The following TNKS variants were observed in gnomAD, a reference collection of about 807,000 sequenced individuals.
TNKS encodes the protein tankyrase.
In TNKS, 72 loss-of-function variants were observed where a neutral mutation model predicts 135.8. That is an observed-to-expected ratio of 0.53 (90% CI 0.44 to 0.64). The LOEUF (loss-of-function observed/expected upper bound fraction) is 0.64. Ranked by LOEUF, TNKS falls within the 30% of genes least tolerant of loss-of-function variation. TNKS has a pLI of 0.00. For synonymous variants in TNKS, 849 were observed against 649.3 expected (o/e 1.31, Z -4.68); for missense variants, 1,769 against 1,674.0 (o/e 1.06, Z -0.99).
At chr8:9,618,938 A>G (rs78733221) in intron 3 of TNKS, among the ~76,000 whole-genome samples, 13,084 of 152,262 alleles carry the variant, frequency 0.086, 590 homozygotes, top group South Asian at 0.17. Flanking sequence ...GTTCCCAAAG[A>G]CATTAAGTAC....
intron 4 of TNKS, 49 bp downstream of exon 4, chr8:9,680,036 A>T: frequency 7.1e-7 from 1 of 1,406,144 alleles, no homozygotes; most frequent in South Asian, 1.2e-5. Context: ...TAAGGAAGAG[A>T]AGGAGGAGGG....
At chr8:9,742,131 C>T (rs1035595819) in intron 17 of TNKS, among the ~76,000 whole-genome samples, 1 of 152,094 alleles carries the variant, frequency 6.6e-6, no homozygotes, top group South Asian at 2.1e-4. Context: ...TGGAAGAATG[C>T]AAATGGGCTA....
intron 2 of TNKS, among the ~76,000 whole-genome samples, chr8:9,610,961 T>G (rs1312150966): frequency 6.6e-6 from 1 of 152,200 alleles, no homozygotes; most frequent in African/African-American, 2.4e-5. Flanking sequence ...CTTGAATAGT[T>G]TTAAAGGATG....
At chr8:9,620,285 A>G (rs1324011599) in intron 3 of TNKS, among the ~76,000 whole-genome samples, 3 of 151,966 alleles carry the variant, frequency 2.0e-5, no homozygotes, top group African/African-American at 2.4e-5. Flanking sequence ...TATCCAACCT[A>G]TCAGTAATTC....
chr8:9,633,177 T>G (rs995443840), intron 3 of TNKS, among the ~76,000 whole-genome samples: 2 of 152,232 alleles, frequency 1.3e-5, no homozygotes, highest in African/African-American at 4.8e-5. Flanking sequence ...CTTCCAAAAA[T>G]GTACTACTAA....
intron 3 of TNKS, among the ~76,000 whole-genome samples, chr8:9,646,585 A>C (rs1232297073): frequency 6.6e-6 from 1 of 152,202 alleles, no homozygotes. Flanking sequence ...AGTGGAATCA[A>C]TATTAAATGA....
intron 12 of TNKS, among the ~76,000 whole-genome samples, chr8:9,724,307 G>T (rs1195712084): frequency 6.6e-6 from 1 of 152,078 alleles, no homozygotes; most frequent in African/African-American, 2.4e-5. Context: ...TTAAAAATTA[G>T]CCGGGTATGG....
chr8:9,719,151 A>C (rs1241307137), intron 11 of TNKS, among the ~76,000 whole-genome samples: 1 of 152,188 alleles, frequency 6.6e-6, no homozygotes, highest in Non-Finnish European at 1.5e-5. Context: ...AATGTGATAG[A>C]GTTAAATATG....
Position 9,731,001 on chromosome 8 carries a change from C to T in TNKS, c.2113C>T (p.His705Tyr), listed in dbSNP as rs1805410163. 6.2e-7 allele frequency: 1 copy of T among 1,612,982 alleles called. No homozygotes were observed. The highest frequency in any genetic ancestry group is 8.5e-7 in the Non-Finnish European group (1 of 1,179,416). ...NRVSVVEYLL[H>Y]HGADVHAKDK... ...CGTGTCTGTTGTAGAGTACCTGCTA[C>T]ACCACGGTGCCGATGTCCATGCCAA... Residue 705 changes from histidine (H) to tyrosine (Y), a missense_variant, in exon 14 of 27, where the codon CAC becomes TAC. Physicochemically the swap from His to Tyr is moderately conservative, Grantham distance 83. Transcript: ENST00000310430.
At chr8:9,772,784 T>A (rs1807988503) in intron 26 of TNKS, among the ~76,000 whole-genome samples, 1 of 148,428 alleles carries the variant, frequency 6.7e-6, no homozygotes, top group Non-Finnish European at 1.5e-5. Flanking sequence ...TGTAAACGTT[T>A]TGGGGAGAAT....
At chr8:9,592,815 T>C (rs1798636776) in intron 2 of TNKS, among the ~76,000 whole-genome samples, 1 of 152,202 alleles carries the variant, frequency 6.6e-6, no homozygotes, top group African/African-American at 2.4e-5. Context: ...CTTGATTAGG[T>C]GATATCTTGA....
intron 20 of TNKS, among the ~76,000 whole-genome samples, chr8:9,757,578 C>T (rs947986788): frequency 1.3e-5 from 2 of 152,134 alleles, no homozygotes; most frequent in Middle Eastern, 3.2e-3. Flanking sequence ...CCTGCTCCTT[C>T]CTTCCCAGCC....
At position 9,731,042 on chromosome 8, in the gene TNKS, G is replaced by T. The variant is rs1805413018; in HGVS notation, c.2147+7G>T. The T allele has an allele frequency of 6.3e-7, 1 of 1,586,512 alleles. No homozygotes were observed. Among genetic ancestry groups the T allele is most frequent in the African/African-American group, 1.4e-5 (1 of 73,902 alleles). ...TCCATGCCAAAGACAAGGGGTACGTGTTAGAAGTTAGCTGTTTGGGAGTCA... is the reference window on the plus strand; with the variant it reads ...TCCATGCCAAAGACAAGGGGTACGTTTTAGAAGTTAGCTGTTTGGGAGTCA... On this transcript the variant is annotated splice_region_variant and intron_variant, in intron 14 of 26. Coordinates refer to ENST00000310430, the MANE Select transcript of TNKS (RefSeq NM_003747.3).
At chr8:9,730,748 T>C in intron 13 of TNKS, 142 bp from the exon 14 acceptor site, 1 of 944,606 alleles carries the variant, frequency 1.1e-6, no homozygotes, top group Non-Finnish European at 1.5e-6. Context: ...TCTAAACATT[T>C]GTATTGTCTA....
At chr8:9,763,750 C>T (rs1807271962) in intron 22 of TNKS, among the ~76,000 whole-genome samples, 1 of 152,120 alleles carries the variant, frequency 6.6e-6, no homozygotes, top group African/African-American at 2.4e-5. Context: ...TTTGTGTAAC[C>T]CTCCTGGTGG....
intron 5 of TNKS, among the ~76,000 whole-genome samples, chr8:9,688,260 A>G (rs1374790003): frequency 6.6e-6 from 1 of 152,202 alleles, no homozygotes; most frequent in Non-Finnish European, 1.5e-5. Flanking sequence ...TATTTAAGTA[A>G]AAGACTATAT....
At chr8:9,664,670 T>G (rs1303534836) in intron 3 of TNKS, among the ~76,000 whole-genome samples, 1 of 152,192 alleles carries the variant, frequency 6.6e-6, no homozygotes, top group Non-Finnish European at 1.5e-5. Context: ...GTACATAAAA[T>G]TATGAACTGC....
chr8:9,703,116 C>G (rs949843309), intron 5 of TNKS, among the ~76,000 whole-genome samples: 11 of 152,080 alleles, frequency 7.2e-5, no homozygotes, highest in Non-Finnish European at 1.5e-4. Context: ...TTCAGGAGCC[C>G]GGTAGATGCC....
intron 3 of TNKS, among the ~76,000 whole-genome samples, chr8:9,627,540 ATTGCTTGCTTGCTTGCTTGCTTGCTTGC>A (rs36130596): frequency 3.4e-5 from 5 of 148,222 alleles, no homozygotes; most frequent in African/African-American, 1.0e-4. Flanking sequence ...CTGTGGCAAA[ATTGCTTGCTTGCTTGCTTGCTTGCTTGC>A]TTGCTTGCTT....
Sources: allele counts gnomAD v4.1 joint callset (sites outside exome capture counted in the v4.1 genomes callset), GRCh38; gene constraint gnomAD v4.1.1; transcripts MANE v1.5; gene names NCBI Gene and HGNC (gene_info 2026-07-23, HGNC 2026-07-21).